The following LRRC28 variants were observed in gnomAD, a reference collection of about 807,000 sequenced individuals.
LRRC28 encodes leucine rich repeat containing 28, also known as leucine-rich repeat-containing protein 28.
Under a neutral mutation model 45.7 loss-of-function variants are expected in LRRC28, and 39 were observed. The observed-to-expected ratio is 0.85, with a 90% CI of 0.66 to 1.12. The LOEUF (loss-of-function observed/expected upper bound fraction) is 1.12. Among genes scored for constraint, LRRC28 ranks in the 50% most tolerant of loss-of-function variants. The probability of loss-of-function intolerance (pLI) is 0.00; values close to 1 mark genes in which losing one functional copy is unlikely to be tolerated. For missense variants in LRRC28, 435 were observed against 438.5 expected (o/e 0.99, Z 0.07); for synonymous variants, 206 against 178.8 (o/e 1.15, Z -1.22).
intron 5 of LRRC28, among the ~76,000 whole-genome samples, chr15:99,326,353 A>G (rs756689574): frequency 7.9e-5 from 12 of 152,178 alleles, no homozygotes; most frequent in African/African-American, 2.4e-4. Flanking sequence ...CTTTCAGCAA[A>G]GAGATAATGG....
At chr15:99,334,441 A>G (rs1356504072) in intron 6 of LRRC28, among the ~76,000 whole-genome samples, 12 of 115,222 alleles carry the variant, frequency 1.0e-4, no homozygotes, top group Admixed American at 7.2e-4. Context: ...GTGTGTGTGT[A>G]AGGTATTGAA....
chr15:99,345,198 G>A (rs1338012470), intron 6 of LRRC28, among the ~76,000 whole-genome samples: 3 of 151,478 alleles, frequency 2.0e-5, no homozygotes, highest in African/African-American at 7.3e-5. Flanking sequence ...CCCAGTTGTC[G>A]GACTCCAAGA....
chr15:99,252,274 C>T (rs913379488), intron 1 of LRRC28, among the ~76,000 whole-genome samples: 2 of 152,100 alleles, frequency 1.3e-5, no homozygotes, highest in African/African-American at 4.8e-5. Context: ...TGTGTATGGC[C>T]CGTGAATGCA....
At chr15:99,365,476 G>A (rs1284185880) in intron 9 of LRRC28, among the ~76,000 whole-genome samples, 1 of 152,184 alleles carries the variant, frequency 6.6e-6, no homozygotes, top group Admixed American at 6.5e-5. Flanking sequence ...TCCTTCCCAT[G>A]TTGCCATGGA....
intron 5 of LRRC28, among the ~76,000 whole-genome samples, chr15:99,288,801 T>G (rs1004641247): frequency 1.3e-5 from 2 of 152,152 alleles, no homozygotes; most frequent in Admixed American, 1.3e-4. Flanking sequence ...TGCCTCAGCC[T>G]TCCAAGTAGC....
At chr15:99,355,201 T>C (rs1336029506) in intron 7 of LRRC28, among the ~76,000 whole-genome samples, 1 of 152,238 alleles carries the variant, frequency 6.6e-6, no homozygotes, top group Non-Finnish European at 1.5e-5. Flanking sequence ...TTGTGAACAT[T>C]AGCAAATCAG....
chr15:99,291,208 A>C (rs1034630993), intron 5 of LRRC28, among the ~76,000 whole-genome samples: 2 of 152,184 alleles, frequency 1.3e-5, no homozygotes, highest in Admixed American at 1.3e-4. Context: ...TTACACAAGA[A>C]ATTCGAGGCA....
chr15:99,277,369 C>T (rs563862119), intron 3 of LRRC28, among the ~76,000 whole-genome samples: 1 of 152,158 alleles, frequency 6.6e-6, no homozygotes, highest in African/African-American at 2.4e-5. Context: ...AAAGAACACC[C>T]GTAAACCCTT....
Position 99,386,423 on chromosome 15 carries a change from C to T in LRRC28, c.*321C>T, listed in dbSNP as rs1957992628. Reference sequence around the variant, plus strand: ...GGTCCTTGGAGAACAGTGACTTGATCATCTAGCCAGATTCCCTTTTGAACA... The same window carrying T: ...GGTCCTTGGAGAACAGTGACTTGATTATCTAGCCAGATTCCCTTTTGAACA... On this transcript the variant is annotated 3_prime_UTR_variant, in exon 10 of 10. Transcript: ENST00000301981. The T allele has an allele frequency of 8.1e-6, 2 of 247,904 alleles. No homozygotes were observed. The highest frequency in any genetic ancestry group is 1.5e-5 in the Non-Finnish European group (2 of 129,144). The allele number at this position is 247,904 out of a possible 1,614,324, so 15.4% of individuals were successfully genotyped here.
chr15:99,368,316 T>C (rs1249845366), intron 9 of LRRC28, among the ~76,000 whole-genome samples: 2 of 152,152 alleles, frequency 1.3e-5, no homozygotes, highest in East Asian at 3.8e-4. Flanking sequence ...TAGCATGTAA[T>C]GTTGGGACAG....
chr15:99,367,806 G>A (rs1195580049), intron 9 of LRRC28, among the ~76,000 whole-genome samples: 2 of 152,084 alleles, frequency 1.3e-5, no homozygotes, highest in Non-Finnish European at 2.9e-5. Context: ...TTTTATGGAG[G>A]CTTCATTACA....
intron 2 of LRRC28, among the ~76,000 whole-genome samples, chr15:99,264,247 TAGAGGAGAGAGGG>T (rs1469338649): frequency 3.9e-5 from 6 of 152,098 alleles, no homozygotes. Flanking sequence ...AGGCGCATGA[TAGAGGAGAGAGGG>T]AGAGGAGGAA....
chr15:99,316,763 A>G lies in LRRC28; in HGVS notation c.386-17160A>G, dbSNP rs112683763. On this transcript the variant is annotated intron_variant, in intron 5 of 9. Transcript: ENST00000301981. ...TTGAACATCCTTCAGGAGAACTACA[A>G]GAATAAAACAGTATCTGTAAAGTAT... Among the ~76,000 whole-genome samples the G allele has an allele frequency of 2.8e-3, 425 of 152,234 alleles. 1 individual carries two copies. The highest frequency in any genetic ancestry group is 5.2e-3 in the Non-Finnish European group (352 of 68,004).
intron 5 of LRRC28, among the ~76,000 whole-genome samples, chr15:99,304,345 G>A (rs151030332): frequency 3.9e-5 from 6 of 151,970 alleles, no homozygotes; most frequent in African/African-American, 1.2e-4. Context: ...TGCGGTTTGT[G>A]TATTTTTTTA....
chr15:99,304,337 C>T (rs982148589), intron 5 of LRRC28, among the ~76,000 whole-genome samples: 18 of 152,096 alleles, frequency 1.2e-4, no homozygotes, highest in African/African-American at 2.7e-4. Flanking sequence ...TCTCAGTCTG[C>T]GGTTTGTGTA....
chr15:99,386,274 T>TA lies in LRRC28; in HGVS notation c.*173dup. 1.7e-6 allele frequency: 1 copy of TA among 572,732 alleles called. No individual in the cohort carries two copies. Among genetic ancestry groups the TA allele is most frequent in the Non-Finnish European group, 3.1e-6 (1 of 321,630 alleles). The allele number at this position is 572,732 out of a possible 1,614,324, so 35.5% of individuals were successfully genotyped here. A position where few individuals can be genotyped will look rare whatever the true frequency, so the allele number is the denominator to read the frequency against. On this transcript the variant is annotated 3_prime_UTR_variant, in exon 10 of 10. Transcript: ENST00000301981. The stretch of plus-strand genomic sequence containing the variant: ...CCTTCACCCTTCCCCCAAGTTGGAA[T>TA]ATATCCTCCCCCAAATTAAGGACCC...
intron 7 of LRRC28, among the ~76,000 whole-genome samples, chr15:99,358,946 G>A (rs1281747489): frequency 6.6e-6 from 1 of 151,908 alleles, no homozygotes; most frequent in Non-Finnish European, 1.5e-5. Flanking sequence ...CGTGGTGGCG[G>A]GTGCCTGTAA....
chr15:99,305,382 A>G lies in LRRC28; in HGVS notation c.385+17431A>G, dbSNP rs188931181. On this transcript the variant is annotated intron_variant, in intron 5 of 9. Transcript: ENST00000301981. ...AATTTCTAAACTCTGATATTTAAATACATAAATTATCTGTGTAAAGATGTA... is the reference window on the plus strand; with the variant it reads ...AATTTCTAAACTCTGATATTTAAATGCATAAATTATCTGTGTAAAGATGTA... Among the ~76,000 whole-genome samples the G allele has an allele frequency of 3.8e-4, 58 of 152,372 alleles. 1 individual carries two copies. Among genetic ancestry groups the G allele is most frequent in the Non-Finnish European group, 6.9e-4 (47 of 68,040 alleles).
At chr15:99,324,585 A>G (rs1955908272) in intron 5 of LRRC28, among the ~76,000 whole-genome samples, 1 of 152,184 alleles carries the variant, frequency 6.6e-6, no homozygotes, top group South Asian at 2.1e-4. Context: ...CTATGATTTA[A>G]AGGGGACTTA....
Sources: allele counts gnomAD v4.1 joint callset (sites outside exome capture counted in the v4.1 genomes callset), GRCh38; gene constraint gnomAD v4.1.1; transcripts MANE v1.5; gene names NCBI Gene and HGNC (gene_info 2026-07-23, HGNC 2026-07-21).